Variants in ITFG1 observed in about 807,000 individuals in gnomAD.
ITFG1 encodes T-cell immunomodulatory protein.
In ITFG1, 34 loss-of-function variants were observed where a neutral mutation model predicts 81.8. The ratio of observed to expected loss-of-function variants is 0.42; its 90% CI spans 0.32 to 0.55. ITFG1 has a LOEUF of 0.55. Among genes scored for constraint, ITFG1 ranks in the 20% least tolerant of loss-of-function variants. The pLI, the probability that ITFG1 is intolerant of heterozygous loss-of-function variation, is 0.17. For synonymous variants in ITFG1, 285 were observed against 270.6 expected (o/e 1.05, Z -0.52); for missense variants, 672 against 755.4 (o/e 0.89, Z 1.29).
At chr16:47,440,341 A>T (rs975365368) in intron 5 of ITFG1, among the ~76,000 whole-genome samples, 1 of 152,238 alleles carries the variant, frequency 6.6e-6, no homozygotes, top group Non-Finnish European at 1.5e-5. Context: ...CGGACCTAAT[A>T]GACATCTACA....
intron 10 of ITFG1, among the ~76,000 whole-genome samples, chr16:47,302,666 T>C (rs1432219859): frequency 6.6e-6 from 1 of 152,244 alleles, no homozygotes; most frequent in African/African-American, 2.4e-5. Context: ...CCTAATTTAA[T>C]GGAACACCCC....
chr16:47,354,324 G>A (rs998904236), intron 8 of ITFG1, among the ~76,000 whole-genome samples: 2 of 152,052 alleles, frequency 1.3e-5, no homozygotes, highest in African/African-American at 4.8e-5. Flanking sequence ...TTCAATAAAT[G>A]GTGTTGGGAA....
intron 14 of ITFG1, among the ~76,000 whole-genome samples, chr16:47,169,875 TG>T (rs1291760036): frequency 2.6e-5 from 4 of 152,212 alleles, no homozygotes; most frequent in Non-Finnish European, 5.9e-5. Context: ...CCTAGTTTGC[TG>T]AGTGTTTTAA....
Position 47,311,264 on chromosome 16 carries a change from A to G in ITFG1, c.1046T>C (p.Val349Ala). The G allele has an allele frequency of 6.2e-7, 1 of 1,611,816 alleles. No individual in the cohort carries two copies. The highest frequency in any genetic ancestry group is 8.5e-7 in the Non-Finnish European group (1 of 1,178,662). The change falls in exon 10 of 18, where the codon GTC (valine) becomes GCC (alanine). Residue 349 changes from valine (V) to alanine (A), a missense_variant. By Grantham distance (64) the Val-to-Ala change is moderately conservative. Around this residue, in one of 3 missense-constraint regions of ITFG1, gnomAD observed 560 missense variants for 625.7 expected, o/e 0.90. Transcript: ENST00000320640. The stretch of plus-strand genomic sequence containing the variant: ...CCTTCCAGATGTGTTCTTTAGTATG[A>G]CCAGAGCGTCTGGATAGCCATCCAT... ...YNMDGYPDAL[V>A]ILKNTSGSNQ...
At chr16:47,235,261 T>A (rs1411749400) in intron 13 of ITFG1, among the ~76,000 whole-genome samples, 1 of 149,644 alleles carries the variant, frequency 6.7e-6, no homozygotes, top group African/African-American at 2.4e-5. Flanking sequence ...TTTATAGGAG[T>A]TAAAGGTACT....
intron 8 of ITFG1, among the ~76,000 whole-genome samples, chr16:47,346,550 A>T (rs1390284736): frequency 6.6e-6 from 1 of 152,212 alleles, no homozygotes; most frequent in East Asian, 1.9e-4. Context: ...TAAGAAACAA[A>T]GAGAATACTT....
intron 8 of ITFG1, among the ~76,000 whole-genome samples, chr16:47,332,031 A>G (rs1439246611): frequency 1.3e-5 from 2 of 152,124 alleles, no homozygotes; most frequent in Non-Finnish European, 2.9e-5. Flanking sequence ...TGTTCTTTCA[A>G]TAAAAGACTC....
At position 47,458,465 on chromosome 16, in the gene ITFG1, T is replaced by C. The variant is rs543166649; in HGVS notation, c.281+638A>G. 8.5e-5 allele frequency among the ~76,000 whole-genome samples: 13 copies of C among 152,340 alleles called. 1 individual carries two copies. Among genetic ancestry groups the C allele is most frequent in the African/African-American group, 2.9e-4 (12 of 41,580 alleles). The stretch of plus-strand genomic sequence containing the variant: ...CCTTTGGCCTGCACTGACCCATCTC[T>C]TCTTGCTTGAATTCAGACAGCCACG... On this transcript the variant is annotated intron_variant, in intron 2 of 17. Coordinates refer to ENST00000320640, the MANE Select transcript of ITFG1 (RefSeq NM_030790.5).
At chr16:47,366,214 T>C (rs1374594652) in intron 7 of ITFG1, among the ~76,000 whole-genome samples, 1 of 152,186 alleles carries the variant, frequency 6.6e-6, no homozygotes, top group African/African-American at 2.4e-5. Context: ...GAGCTTACAG[T>C]CCAGTTGGGA....
intron 14 of ITFG1, among the ~76,000 whole-genome samples, chr16:47,175,678 G>C (rs1052962260): frequency 1.3e-5 from 2 of 152,190 alleles, no homozygotes; most frequent in Admixed American, 1.3e-4. Flanking sequence ...GGGGTCTTAT[G>C]ATACATGTTC....
At chr16:47,409,780 T>C (rs1297417343) in intron 6 of ITFG1, among the ~76,000 whole-genome samples, 2 of 151,688 alleles carry the variant, frequency 1.3e-5, no homozygotes, top group African/African-American at 2.4e-5. Flanking sequence ...TTTCCAAGCA[T>C]GACACAAAAC....
At chr16:47,297,303 T>G (rs1236277375) in intron 10 of ITFG1, among the ~76,000 whole-genome samples, 1 of 152,234 alleles carries the variant, frequency 6.6e-6, no homozygotes, top group Non-Finnish European at 1.5e-5. Context: ...ACCCACAGTC[T>G]GTAAGTGTCT....
intron 5 of ITFG1, among the ~76,000 whole-genome samples, chr16:47,441,961 T>G (rs922280252): frequency 7.2e-5 from 11 of 152,210 alleles, no homozygotes; most frequent in Non-Finnish European, 1.3e-4. Flanking sequence ...CTCCTTAAGC[T>G]GATAAGCAAC....
chr16:47,285,117 GGCAGGCCTCTGAC>G (rs1966864893), intron 10 of ITFG1, among the ~76,000 whole-genome samples: 1 of 152,116 alleles, frequency 6.6e-6, no homozygotes, highest in Admixed American at 6.5e-5. Flanking sequence ...AGGCCTCAGA[GGCAGGCCTCTGAC>G]CTTCTCCTGC....
intron 7 of ITFG1, among the ~76,000 whole-genome samples, chr16:47,371,703 A>G (rs1968255715): frequency 6.6e-6 from 1 of 152,212 alleles, no homozygotes; most frequent in Non-Finnish European, 1.5e-5. Context: ...CCCTGAGAAC[A>G]TCTGGCAATG....
At chr16:47,352,856 C>T (rs1164341343) in intron 8 of ITFG1, among the ~76,000 whole-genome samples, 1 of 152,176 alleles carries the variant, frequency 6.6e-6, no homozygotes, top group Non-Finnish European at 1.5e-5. Context: ...GGCACATATA[C>T]ACCATGGAAT....
chr16:47,296,923 CAT>C (rs1323970485), intron 10 of ITFG1, among the ~76,000 whole-genome samples: 7 of 152,150 alleles, frequency 4.6e-5, no homozygotes, highest in Admixed American at 2.6e-4. Flanking sequence ...GAATGTTCCA[CAT>C]GTGTCTATTA....
intron 6 of ITFG1, among the ~76,000 whole-genome samples, chr16:47,379,748 G>A (rs1223207288): frequency 2.0e-5 from 3 of 151,698 alleles, no homozygotes; most frequent in African/African-American, 2.4e-5. Context: ...AGGCAATATG[G>A]GTTCCTTCAC....
intron 4 of ITFG1, 85 bp downstream of exon 4, chr16:47,452,648 T>C (rs16945358): frequency 0.044 from 37,345 of 840,384 alleles, 1,367 homozygotes; most frequent in African/African-American, 0.16. Flanking sequence ...GTATTTTTAT[T>C]ACTAAGCAAA....
Sources: gnomAD v4.1 joint callset for allele counts (sites outside exome capture counted in the v4.1 genomes callset) on GRCh38, gnomAD v4.1.1 for gene constraint, gnomAD v4.1.1 regional missense constraint, MANE v1.5 for transcripts, NCBI Gene and HGNC (gene_info 2026-07-23, HGNC 2026-07-21) for gene names.